FHIT: variants seen among roughly 807,000 people sequenced by gnomAD.
FHIT encodes the protein fragile histidine triad diadenosine triphosphatase.
FHIT carries 19 observed loss-of-function variants against 17.9 expected under a neutral mutation model. That is an observed-to-expected ratio of 1.06 (90% CI 0.74 to 1.56). The LOEUF is 1.56. Ranked by LOEUF, FHIT falls within the 40% of genes most tolerant of loss-of-function variation. The pLI, the probability that FHIT is intolerant of heterozygous loss-of-function variation, is 0.00. For missense variants in FHIT, 248 were observed against 189.2 expected, an observed-to-expected ratio of 1.31 and a Z score of -1.82; for synonymous variants, 81 against 69.7, an observed-to-expected ratio of 1.16 and a Z score of -0.81.
chr3:60,613,527 C>G (rs1339301180), intron 4 of FHIT, among the ~76,000 whole-genome samples: 1 of 152,116 alleles, frequency 6.6e-6, no homozygotes, highest in Non-Finnish European at 1.5e-5. Flanking sequence ...TTGCATGGAG[C>G]CTGGATTATC....
intron 5 of FHIT, among the ~76,000 whole-genome samples, chr3:60,235,801 C>T (rs1222914651): frequency 6.6e-6 from 1 of 152,114 alleles, no homozygotes; most frequent in African/African-American, 2.4e-5. Context: ...TTAGTTCTCA[C>T]AGGAAGGTTC....
intron 3 of FHIT, among the ~76,000 whole-genome samples, chr3:60,962,324 T>TGAGC (rs1166356806): frequency 6.6e-6 from 1 of 152,190 alleles, no homozygotes; most frequent in African/African-American, 2.4e-5. Context: ...CTTAAGGAGA[T>TGAGC]TTTGGGCTGA....
At chr3:61,080,515 G>A (rs1370102400) in intron 2 of FHIT, among the ~76,000 whole-genome samples, 1 of 152,078 alleles carries the variant, frequency 6.6e-6, no homozygotes, top group Non-Finnish European at 1.5e-5. Context: ...TTAATAAGTA[G>A]AAATAGCTTT....
At chr3:60,081,636 G>A (rs1159003850) in intron 5 of FHIT, among the ~76,000 whole-genome samples, 2 of 152,136 alleles carry the variant, frequency 1.3e-5, no homozygotes, top group Admixed American at 1.3e-4. Flanking sequence ...CTTACTGAAT[G>A]ACAATAATAA....
At chr3:60,667,484 T>C (rs554202474) in intron 4 of FHIT, among the ~76,000 whole-genome samples, 2 of 152,186 alleles carry the variant, frequency 1.3e-5, no homozygotes. Flanking sequence ...AACTTCTATT[T>C]CTTTTCTAAT....
chr3:60,614,745 G>A (rs533261968), intron 4 of FHIT, among the ~76,000 whole-genome samples: 14 of 151,102 alleles, frequency 9.3e-5, no homozygotes, highest in South Asian at 2.1e-4. Flanking sequence ...GAACCCCATC[G>A]TAACAGGGTG....
intron 8 of FHIT, among the ~76,000 whole-genome samples, chr3:59,790,440 G>A (rs1292780508): frequency 6.6e-6 from 1 of 152,094 alleles, no homozygotes; most frequent in African/African-American, 2.4e-5. Context: ...GCTAATTATA[G>A]TAAGAGCAGC....
intron 5 of FHIT, among the ~76,000 whole-genome samples, chr3:60,404,308 G>C (rs188891792): frequency 7.0e-6 from 1 of 143,370 alleles, no homozygotes; most frequent in Admixed American, 7.1e-5. Flanking sequence ...CAAAAATTTC[G>C]AGGCTATTTA....
chr3:60,165,411 AAG>A (rs375432472), intron 5 of FHIT, among the ~76,000 whole-genome samples: 76 of 152,322 alleles, frequency 5.0e-4, no homozygotes, highest in African/African-American at 1.0e-3. Context: ...AATGGAAACA[AAG>A]AGTACATGGG....
chr3:60,363,766 C>T (rs927150538), intron 5 of FHIT, among the ~76,000 whole-genome samples: 3 of 150,254 alleles, frequency 2.0e-5, no homozygotes, highest in African/African-American at 4.8e-5. Flanking sequence ...CCCCCTGGCC[C>T]CCCTGGCTTC....
intron 5 of FHIT, among the ~76,000 whole-genome samples, chr3:60,323,656 T>G (rs898186710): frequency 6.6e-6 from 1 of 152,240 alleles, no homozygotes; most frequent in Non-Finnish European, 1.5e-5. Context: ...TGTACTATCA[T>G]TCCGGTCTGT....
intron 5 of FHIT, among the ~76,000 whole-genome samples, chr3:60,051,638 A>G (rs538641560): frequency 4.6e-5 from 7 of 152,256 alleles, no homozygotes; most frequent in South Asian, 2.1e-4. Context: ...CTGAGTATCT[A>G]TATCTGTAGT....
intron 2 of FHIT, among the ~76,000 whole-genome samples, chr3:61,166,326 G>C (rs2037836197): frequency 6.6e-6 from 1 of 152,100 alleles, no homozygotes; most frequent in Non-Finnish European, 1.5e-5. Context: ...TTGAATCCAG[G>C]TATTTTGATT....
At chr3:59,817,599 A>T (rs1053560553) in intron 8 of FHIT, among the ~76,000 whole-genome samples, 1 of 151,710 alleles carries the variant, frequency 6.6e-6, no homozygotes, top group Non-Finnish European at 1.5e-5. Flanking sequence ...GAAAGAAAAG[A>T]AAAAAGAAAA....
intron 4 of FHIT, among the ~76,000 whole-genome samples, chr3:60,686,653 C>T (rs149471040): frequency 6.6e-6 from 1 of 152,064 alleles, no homozygotes; most frequent in East Asian, 1.9e-4. Context: ...CAAAGGTCAG[C>T]CAGAGATTTG....
At chr3:60,412,704 T>C (rs1017766501) in intron 5 of FHIT, among the ~76,000 whole-genome samples, 5 of 152,184 alleles carry the variant, frequency 3.3e-5, no homozygotes, top group African/African-American at 1.2e-4. Flanking sequence ...CTCAAACTGA[T>C]ATGGTTTGGC....
chr3:61,204,334 ACAAT>A (rs1484179723), intron 1 of FHIT, among the ~76,000 whole-genome samples: 1 of 152,184 alleles, frequency 6.6e-6, no homozygotes. Flanking sequence ...AGGTATCTGG[ACAAT>A]CAGTTTATTA....
At chr3:60,330,764 T>C (rs1447427403) in intron 5 of FHIT, among the ~76,000 whole-genome samples, 3 of 152,176 alleles carry the variant, frequency 2.0e-5, no homozygotes, top group Non-Finnish European at 4.4e-5. Flanking sequence ...CAGAACGGGA[T>C]TGCAAAATCT....
intron 1 of FHIT, among the ~76,000 whole-genome samples, chr3:61,200,936 C>A (rs1264875498): frequency 6.6e-6 from 1 of 152,184 alleles, no homozygotes; most frequent in African/African-American, 2.4e-5. Context: ...TACTCCTCAA[C>A]AGAATGGGAA....
Sources: gnomAD v4.1 joint callset for allele counts (sites outside exome capture counted in the v4.1 genomes callset) on GRCh38, gnomAD v4.1.1 for gene constraint, MANE v1.5 for transcripts, NCBI Gene and HGNC (gene_info 2026-07-23, HGNC 2026-07-21) for gene names.